The following HOMER1 variants were observed in gnomAD, a reference collection of about 807,000 sequenced individuals.
The protein encoded by HOMER1 is homer scaffold protein 1.
A neutral mutation model predicts 48.9 loss-of-function variants in HOMER1; 3 were observed. The observed-to-expected ratio is 0.06, with a 90% CI of 0.03 to 0.16. The LOEUF is 0.16. HOMER1 is among the 10% of genes least tolerant of loss of function. The pLI is 1.00. For synonymous variants in HOMER1, 134 were observed against 146.4 expected, an observed-to-expected ratio of 0.92 and a Z score of 0.61; for missense variants, 247 against 411.4, an observed-to-expected ratio of 0.60 and a Z score of 3.46.
intron 1 of HOMER1, among the ~76,000 whole-genome samples, chr5:79,469,023 A>T (rs1244483400): frequency 6.6e-6 from 1 of 152,214 alleles, no homozygotes; most frequent in East Asian, 1.9e-4. Flanking sequence ...AAAAGACAGA[A>T]TCTAAAATTC....
chr5:79,478,682 T>C (rs1751857453), intron 1 of HOMER1, among the ~76,000 whole-genome samples: 1 of 152,074 alleles, frequency 6.6e-6, no homozygotes, highest in Non-Finnish European at 1.5e-5. Flanking sequence ...CCAGGCGCAA[T>C]GGCTCATGCC....
chr5:79,407,610 T>C (rs1749700192), intron 5 of HOMER1, among the ~76,000 whole-genome samples: 1 of 151,868 alleles, frequency 6.6e-6, no homozygotes, highest in African/African-American at 2.4e-5. Flanking sequence ...TCGGTGAACA[T>C]GGAAACAGAT....
At chr5:79,455,894 T>C (rs1042964032) in intron 2 of HOMER1, among the ~76,000 whole-genome samples, 1 of 152,172 alleles carries the variant, frequency 6.6e-6, no homozygotes, top group Non-Finnish European at 1.5e-5. Context: ...CGGTAGCTCA[T>C]GCCTGTAATC....
rs765239442 is a variant in HOMER1, at chr5:79,414,647, G to A, written c.528-12592C>T. On this transcript the variant is annotated intron_variant, in intron 5 of 8. Transcript: ENST00000334082. ...TCCTGCTTCTGCCTCTCAAAGTGCT[G>A]GGATTACACACATGAGCCACTGTGC... Among the ~76,000 whole-genome samples, 8 of 152,128 alleles carry A rather than the reference G, an allele frequency of 5.3e-5. No individual in the cohort carries two copies. The South Asian group carries it at 6.2e-4, about 12-fold the overall frequency.
In HOMER1 at chr5:79,411,032, A is replaced by G. The variant is rs137872125; in HGVS notation, c.528-8977T>C. Among the ~76,000 whole-genome samples the G allele has an allele frequency of 2.2e-4, 34 of 152,324 alleles. No individual in the cohort carries two copies. The East Asian group carries it at 6.2e-3, about 28-fold the overall frequency. On this transcript the variant is annotated intron_variant, in intron 5 of 8. Coordinates refer to ENST00000334082, the MANE Select transcript of HOMER1 (RefSeq NM_004272.5). ...ACGTCTCAACGCTGGAGTAAGGGCAAACCAATTCTTTATTCTTGTGGCTGT... is the reference window on the plus strand; with the variant it reads ...ACGTCTCAACGCTGGAGTAAGGGCAGACCAATTCTTTATTCTTGTGGCTGT...
intron 1 of HOMER1, among the ~76,000 whole-genome samples, chr5:79,478,856 G>A (rs1363358343): frequency 6.6e-6 from 1 of 152,218 alleles, no homozygotes; most frequent in Non-Finnish European, 1.5e-5. Context: ...GGAGGCTGAG[G>A]CTGGAGAATC....
At chr5:79,477,027 G>A (rs1366046596) in intron 1 of HOMER1, among the ~76,000 whole-genome samples, 1 of 152,090 alleles carries the variant, frequency 6.6e-6, no homozygotes, top group East Asian at 1.9e-4. Flanking sequence ...GTAAGTAAAA[G>A]AAGGACAAAA....
chr5:79,445,107 G>A (rs10039490), intron 4 of HOMER1, among the ~76,000 whole-genome samples: 29,226 of 152,066 alleles, frequency 0.19, 3,107 homozygotes, highest in South Asian at 0.35. Context: ...TGGAGAGGGA[G>A]ATAAAGAATA....
rs985068182 is a variant in HOMER1 at position 79,513,958 on chromosome 5, G to A, written c.-1184C>T. 1.4e-4 allele frequency: 22 copies of A among 155,102 alleles called. 1 individual carries two copies. The South Asian group carries it at 3.8e-3, about 27-fold the overall frequency. 9.6% of individuals were successfully genotyped at this position (155,102 alleles called of 1,614,324 possible). On this transcript the variant is annotated 5_prime_UTR_variant, in exon 1 of 9. Coordinates refer to ENST00000334082, the MANE Select transcript of HOMER1 (RefSeq NM_004272.5). ...CTCACATTCCCCGGGCCCCGCCGCC[G>A]CCTCTTCACACTTCCATCAGCGCCC...
chr5:79,451,645 A>C (rs973820238), intron 2 of HOMER1, among the ~76,000 whole-genome samples: 1 of 140,242 alleles, frequency 7.1e-6, no homozygotes, highest in African/African-American at 2.7e-5. Flanking sequence ...GGCTAACTGC[A>C]AGCTCCAACT....
chr5:79,481,320 A>G (rs4379173), intron 1 of HOMER1, among the ~76,000 whole-genome samples: 1 of 152,144 alleles, frequency 6.6e-6, no homozygotes, highest in African/African-American at 2.4e-5. Context: ...ACAAAATATA[A>G]GAAACAAGTT....
intron 1 of HOMER1, among the ~76,000 whole-genome samples, chr5:79,465,108 G>A (rs999686188): frequency 2.0e-5 from 3 of 152,030 alleles, no homozygotes; most frequent in Admixed American, 1.3e-4. Flanking sequence ...AGGCCAAAGC[G>A]GGAGGATCGC....
chr5:79,410,294 C>G (rs1447794774), intron 5 of HOMER1, among the ~76,000 whole-genome samples: 1 of 151,808 alleles, frequency 6.6e-6, no homozygotes, highest in Non-Finnish European at 1.5e-5. Context: ...GAGTTTGAGA[C>G]CAGCCTGACC....
intron 1 of HOMER1, among the ~76,000 whole-genome samples, chr5:79,506,667 T>C (rs978251501): frequency 1.1e-4 from 16 of 152,052 alleles, no homozygotes; most frequent in Admixed American, 2.0e-4. Flanking sequence ...TGAAACCCCA[T>C]GCCTACAAAA....
rs144478739 is a variant in HOMER1, at chr5:79,477,569, G to T, written c.6-20551C>A. On this transcript the variant is annotated intron_variant, in intron 1 of 8. Coordinates refer to ENST00000334082, the MANE Select transcript of HOMER1 (RefSeq NM_004272.5). ...TGCTACAAAACAATCTGTTCAAATT[G>T]AACAGGGAGGTTCTCGGATTATCCA... Among the ~76,000 whole-genome samples the T allele has an allele frequency of 5.9e-5, 9 of 152,328 alleles. No individual in the cohort carries two copies. In the East Asian group the frequency reaches 1.7e-3, roughly 29 times the overall value.
chr5:79,446,134 T>C (rs1301512696), intron 4 of HOMER1, among the ~76,000 whole-genome samples: 1 of 152,144 alleles, frequency 6.6e-6, no homozygotes, highest in Non-Finnish European at 1.5e-5. Context: ...ATATGCAAAC[T>C]AGCCAATCCA....
chr5:79,506,355 T>C (rs947046532), intron 1 of HOMER1, among the ~76,000 whole-genome samples: 1 of 152,190 alleles, frequency 6.6e-6, no homozygotes, highest in African/African-American at 2.4e-5. Flanking sequence ...CAGTTTCATC[T>C]TTTTTTCCTT....
At chr5:79,416,360 T>C (rs1233957488) in intron 5 of HOMER1, among the ~76,000 whole-genome samples, 2 of 152,190 alleles carry the variant, frequency 1.3e-5, no homozygotes, top group Admixed American at 1.3e-4. Flanking sequence ...ATGGTTAATT[T>C]CTGATTGTGA....
In HOMER1 at chr5:79,402,018, T is replaced by C; in HGVS notation, c.565A>G (p.Thr189Ala). ...AGTTTGGCATTATTTCCTTTGAGGG[T>C]AGCCAGTTCAGCCTCCCAATGTTTG... ...ISKHWEAELATLKGNNAKLTA... is the reference protein window; with the variant it reads ...ISKHWEAELAALKGNNAKLTA... The change falls in exon 6 of 9, where the codon ACC becomes GCC. Residue 189 changes from threonine to alanine, a missense_variant. Coordinates refer to ENST00000334082, the MANE Select transcript of HOMER1 (RefSeq NM_004272.5). The C allele has an allele frequency of 6.2e-7, 1 of 1,613,904 alleles. No homozygotes were observed. Among genetic ancestry groups the C allele is most frequent in the Middle Eastern group, 1.7e-4 (1 of 5,976 alleles).
Sources: gnomAD v4.1 joint callset for allele counts (sites outside exome capture counted in the v4.1 genomes callset) on GRCh38, gnomAD v4.1.1 for gene constraint, MANE v1.5 for transcripts, NCBI Gene and HGNC (gene_info 2026-07-23, HGNC 2026-07-21) for gene names.